The following GRIA2 variants were observed in gnomAD, a reference collection of about 807,000 sequenced individuals.
The protein encoded by GRIA2 is glutamate ionotropic receptor AMPA type subunit 2, also known as glutamate receptor 2.
In GRIA2, 14 loss-of-function variants were observed where a neutral mutation model predicts 97.3. The observed-to-expected ratio is 0.14, with a 90% CI of 0.10 to 0.23. The LOEUF is 0.23. Ranked by LOEUF, GRIA2 falls within the 10% of genes least tolerant of loss-of-function variation. The pLI is 1.00. For missense variants in GRIA2, 558 were observed against 1,069.8 expected (o/e 0.52, Z 6.67); for synonymous variants, 412 against 387.8 (o/e 1.06, Z -0.73).
chr4:157,290,774 G>GT (rs927387423), intron 2 of GRIA2, among the ~76,000 whole-genome samples: 24 of 151,042 alleles, frequency 1.6e-4, no homozygotes, highest in East Asian at 1.4e-3. Flanking sequence ...TCCCCAGCTT[G>GT]TTTTTTTTAT....
intron 2 of GRIA2, among the ~76,000 whole-genome samples, chr4:157,267,590 A>T (rs965984543): frequency 3.3e-5 from 5 of 151,812 alleles, no homozygotes; most frequent in Non-Finnish European, 5.9e-5. Flanking sequence ...TAAAAATATG[A>T]CCATGTCTGT....
intron 2 of GRIA2, among the ~76,000 whole-genome samples, chr4:157,262,175 ATGATTGAAACTGTT>A (rs1731570820): frequency 6.6e-6 from 1 of 152,072 alleles, no homozygotes; most frequent in African/African-American, 2.4e-5. Context: ...TCAAAATTGC[ATGATTGAAACTGTT>A]TCATTAGGGA....
intron 6 of GRIA2, among the ~76,000 whole-genome samples, chr4:157,322,775 C>T (rs1030638343): frequency 6.6e-5 from 10 of 152,126 alleles, no homozygotes; most frequent in African/African-American, 2.2e-4. Flanking sequence ...ATGAACCAGG[C>T]AGGACAGTGT....
chr4:157,253,374 C>G (rs1219111523), intron 2 of GRIA2, among the ~76,000 whole-genome samples: 1 of 152,052 alleles, frequency 6.6e-6, no homozygotes, highest in East Asian at 1.9e-4. Flanking sequence ...ACCTTGGCCT[C>G]CCGAAGTGCT....
chr4:157,275,704 C>T (rs1441540701), intron 2 of GRIA2, among the ~76,000 whole-genome samples: 1 of 152,056 alleles, frequency 6.6e-6, no homozygotes, highest in African/African-American at 2.4e-5. Flanking sequence ...TTTCTGAGGG[C>T]TTTGTTCTGT....
At chr4:157,282,381 A>T (rs1050810320) in intron 2 of GRIA2, among the ~76,000 whole-genome samples, 6 of 151,948 alleles carry the variant, frequency 3.9e-5, no homozygotes, top group African/African-American at 1.2e-4. Context: ...AAGAAGTAGG[A>T]GTCTTAAAAG....
In GRIA2 at chr4:157,341,610, C is replaced by G. The variant is rs895541897; in HGVS notation, c.2043+148C>G. 12 of 600,094 alleles carry G rather than the reference C, an allele frequency of 2.0e-5. No homozygotes were observed. In the East Asian group the frequency reaches 3.3e-4, roughly 17 times the overall value. The allele number at this position is 600,094 out of a possible 1,614,324, so 37.2% of individuals were successfully genotyped here. ...TCTTGACTTTGTCTCTGTTTCTGAC[C>G]CTTCCCTATCCTGATACTTCGGTCC... On this transcript the variant is annotated intron_variant, in intron 12 of 15. Coordinates refer to ENST00000264426, the MANE Select transcript of GRIA2 (RefSeq NM_001083619.3).
intron 12 of GRIA2, among the ~76,000 whole-genome samples, chr4:157,353,670 C>G (rs2126978208): frequency 6.6e-6 from 1 of 151,714 alleles, no homozygotes; most frequent in South Asian, 2.1e-4. Flanking sequence ...GCTACAGAGC[C>G]AGACTCCGTC....
chr4:157,321,386 T>C (rs1377804342), intron 5 of GRIA2, 52 bp from the exon 6 acceptor site: 2 of 1,268,494 alleles, frequency 1.6e-6, no homozygotes, highest in Admixed American at 3.9e-5. Flanking sequence ...AAATGTTAAG[T>C]AGCATTTTGT....
intron 2 of GRIA2, among the ~76,000 whole-genome samples, chr4:157,242,323 C>A (rs148470377): frequency 6.6e-6 from 1 of 152,020 alleles, no homozygotes; most frequent in East Asian, 1.9e-4. Context: ...AGAGCCCTGG[C>A]GATTTCAGGA....
At chr4:157,317,456 G>A (rs41279339) in intron 4 of GRIA2, among the ~76,000 whole-genome samples, 54 of 152,026 alleles carry the variant, frequency 3.6e-4, no homozygotes, top group Non-Finnish European at 5.7e-4. Context: ...TTTATTAAGC[G>A]TTAATATGTA....
At chr4:157,298,778 T>C (rs1733478610) in intron 2 of GRIA2, among the ~76,000 whole-genome samples, 1 of 152,190 alleles carries the variant, frequency 6.6e-6, no homozygotes, top group African/African-American at 2.4e-5. Context: ...GTGCATTTTC[T>C]AAACCTAACA....
At chr4:157,238,629 TA>T (rs1251641575) in intron 2 of GRIA2, among the ~76,000 whole-genome samples, 1 of 152,152 alleles carries the variant, frequency 6.6e-6, no homozygotes, top group Non-Finnish European at 1.5e-5. Flanking sequence ...TGCAAGTTTT[TA>T]AAAATTCTTC....
intron 3 of GRIA2, among the ~76,000 whole-genome samples, chr4:157,307,139 T>C (rs1003996222): frequency 1.3e-5 from 2 of 152,190 alleles, no homozygotes; most frequent in African/African-American, 4.8e-5. Context: ...TTCTTTGGAA[T>C]AGCATAGGGT....
At chr4:157,244,791 C>T (rs1267415259) in intron 2 of GRIA2, among the ~76,000 whole-genome samples, 1 of 151,956 alleles carries the variant, frequency 6.6e-6, no homozygotes, top group African/African-American at 2.4e-5. Flanking sequence ...AAATCATGTA[C>T]TGTCTGGCCT....
chr4:157,288,804 G>A (rs1445985428), intron 2 of GRIA2, among the ~76,000 whole-genome samples: 1 of 151,564 alleles, frequency 6.6e-6, no homozygotes, highest in Non-Finnish European at 1.5e-5. Context: ...TTTTGCATAA[G>A]GTCTTATGTT....
chr4:157,234,858 G>A (rs1730174017), intron 2 of GRIA2, among the ~76,000 whole-genome samples: 1 of 152,124 alleles, frequency 6.6e-6, no homozygotes, highest in Admixed American at 6.6e-5. Context: ...CTCTTAGGGA[G>A]CAGAGAGATG....
chr4:157,229,703 A>G (rs1394926009), intron 2 of GRIA2, among the ~76,000 whole-genome samples: 3 of 152,198 alleles, frequency 2.0e-5, no homozygotes, highest in Non-Finnish European at 2.9e-5. Context: ...TTCAAATATA[A>G]ACACAAACTG....
chr4:157,288,233 T>C (rs1201241113), intron 2 of GRIA2, among the ~76,000 whole-genome samples: 1 of 151,686 alleles, frequency 6.6e-6, no homozygotes, highest in East Asian at 1.9e-4. Context: ...TAAATTGAAA[T>C]GAATCTTTGA....
Sources: gnomAD v4.1 joint callset for allele counts (sites outside exome capture counted in the v4.1 genomes callset) on GRCh38, gnomAD v4.1.1 for gene constraint, MANE v1.5 for transcripts, NCBI Gene and HGNC (gene_info 2026-07-23, HGNC 2026-07-21) for gene names.